The following GALNT17 variants were observed in gnomAD, a reference collection of about 807,000 sequenced individuals.
The protein encoded by GALNT17 is UDP-GalNAc:polypeptide N-acetylgalactosaminyltransferase-like 3.
Under a neutral mutation model 63.7 loss-of-function variants are expected in GALNT17, and 29 were observed. That is an observed-to-expected ratio of 0.46 (90% CI 0.34 to 0.62). GALNT17 has a LOEUF of 0.62. GALNT17 is among the 20% of genes least tolerant of loss of function. The probability of loss-of-function intolerance (pLI) is 0.01; values close to 1 mark genes in which losing one functional copy is unlikely to be tolerated. For synonymous variants in GALNT17, 305 were observed against 318.3 expected, an observed-to-expected ratio of 0.96 and a Z score of 0.45; for missense variants, 603 against 799.6, an observed-to-expected ratio of 0.75 and a Z score of 2.97.
chr7:71,385,771 G>A (rs1164385999), intron 2 of GALNT17, among the ~76,000 whole-genome samples: 2 of 152,182 alleles, frequency 1.3e-5, no homozygotes, highest in Non-Finnish European at 2.9e-5. Flanking sequence ...CAGAGATGAA[G>A]AAATCAAGAA....
At chr7:71,494,397 G>A (rs548234350) in intron 5 of GALNT17, among the ~76,000 whole-genome samples, 1 of 152,242 alleles carries the variant, frequency 6.6e-6, no homozygotes, top group South Asian at 2.1e-4. Flanking sequence ...CCAGGCTGGA[G>A]TGCAGTGGTG....
chr7:71,503,013 T>G (rs1202059268), intron 5 of GALNT17, among the ~76,000 whole-genome samples: 2 of 152,144 alleles, frequency 1.3e-5, no homozygotes, highest in Non-Finnish European at 2.9e-5. Context: ...TCACCCACCC[T>G]GAAATACTGA....
chr7:71,332,699 T>C (rs758678602), intron 1 of GALNT17, among the ~76,000 whole-genome samples: 3 of 152,114 alleles, frequency 2.0e-5, no homozygotes, highest in African/African-American at 2.4e-5. Context: ...GTTTGTTTTG[T>C]TTTTGTTTTT....
At chr7:71,304,501 A>T (rs148780351) in intron 1 of GALNT17, among the ~76,000 whole-genome samples, 1 of 152,266 alleles carries the variant, frequency 6.6e-6, no homozygotes, top group African/African-American at 2.4e-5. Flanking sequence ...ACAGCGCTGC[A>T]TGCATGTTTT....
chr7:71,513,920 G>C (rs974236279), intron 5 of GALNT17, among the ~76,000 whole-genome samples: 7 of 152,186 alleles, frequency 4.6e-5, no homozygotes, highest in Non-Finnish European at 1.0e-4. Flanking sequence ...AGCTGGGCAT[G>C]GTGGCTTATG....
chr7:71,473,171 A>T (rs1198083533), intron 5 of GALNT17, among the ~76,000 whole-genome samples: 1 of 152,218 alleles, frequency 6.6e-6, no homozygotes, highest in African/African-American at 2.4e-5. Context: ...AAAGACTTGA[A>T]GTCAGTAGAA....
At chr7:71,390,890 A>G (rs1405136449) in intron 3 of GALNT17, among the ~76,000 whole-genome samples, 1 of 152,170 alleles carries the variant, frequency 6.6e-6, no homozygotes, top group Non-Finnish European at 1.5e-5. Flanking sequence ...CACTGGGGAA[A>G]ATCCAGGAGC....
At chr7:71,320,437 G>A (rs1791586049) in intron 1 of GALNT17, among the ~76,000 whole-genome samples, 1 of 151,264 alleles carries the variant, frequency 6.6e-6, no homozygotes, top group Non-Finnish European at 1.5e-5. Context: ...TTTTTTTAGA[G>A]ATGGAGTCTT....
At chr7:71,512,221 T>C (rs1281639230) in intron 5 of GALNT17, among the ~76,000 whole-genome samples, 1 of 152,010 alleles carries the variant, frequency 6.6e-6, no homozygotes, top group African/African-American at 2.4e-5. Flanking sequence ...CGCAGGCTGG[T>C]CTCAAACTCC....
Position 71,712,242 on chromosome 7 carries a change from C to A in GALNT17, c.*96C>A. 1 of 1,513,532 alleles carries A rather than the reference C, an allele frequency of 6.6e-7. No homozygotes were observed. Among genetic ancestry groups the A allele is most frequent in the South Asian group, 1.3e-5 (1 of 77,586 alleles). 93.8% of individuals were successfully genotyped at this position (1,513,532 alleles called of 1,614,324 possible). A position where few individuals can be genotyped will look rare whatever the true frequency, so the allele number is the denominator to read the frequency against. On this transcript the variant is annotated 3_prime_UTR_variant, in exon 11 of 11. Coordinates refer to ENST00000333538, the MANE Select transcript of GALNT17 (RefSeq NM_022479.3). ...GCCCTGGCGGAGAGACAGCAAGGGG[C>A]CGGCAGGTGCTCGATGGGCCCCCCA...
At chr7:71,340,436 A>G (rs1791988234) in intron 2 of GALNT17, among the ~76,000 whole-genome samples, 1 of 152,172 alleles carries the variant, frequency 6.6e-6, no homozygotes, top group African/African-American at 2.4e-5. Flanking sequence ...CAGCCTAAGG[A>G]AAAGGCTGAT....
intron 1 of GALNT17, among the ~76,000 whole-genome samples, chr7:71,204,081 A>G (rs1198845314): frequency 6.8e-6 from 1 of 148,136 alleles, no homozygotes; most frequent in Non-Finnish European, 1.5e-5. Flanking sequence ...TGATTTTAGT[A>G]TATGATGTGA....
intron 5 of GALNT17, among the ~76,000 whole-genome samples, chr7:71,500,610 C>T (rs965802907): frequency 1.3e-5 from 2 of 152,232 alleles, no homozygotes; most frequent in African/African-American, 4.8e-5. Flanking sequence ...CCCCCTGCCA[C>T]TTCCTTGCTT....
intron 5 of GALNT17, among the ~76,000 whole-genome samples, chr7:71,424,789 G>A (rs1786728634): frequency 6.6e-6 from 1 of 152,168 alleles, no homozygotes; most frequent in Non-Finnish European, 1.5e-5. Context: ...CTTTCTTGCT[G>A]TGAAGCCAAC....
At chr7:71,647,204 C>G (rs1265705507) in intron 6 of GALNT17, among the ~76,000 whole-genome samples, 1 of 149,400 alleles carries the variant, frequency 6.7e-6, no homozygotes. Context: ...ACTGGGATTA[C>G]AGGTGCCCAC....
At chr7:71,618,199 T>C (rs1460961453) in intron 6 of GALNT17, among the ~76,000 whole-genome samples, 1 of 152,196 alleles carries the variant, frequency 6.6e-6, no homozygotes, top group Non-Finnish European at 1.5e-5. Flanking sequence ...ATGTAACACA[T>C]TTCCTTTATT....
At chr7:71,284,830 G>T (rs1193147533) in intron 1 of GALNT17, among the ~76,000 whole-genome samples, 1 of 151,714 alleles carries the variant, frequency 6.6e-6, no homozygotes, top group African/African-American at 2.4e-5. Flanking sequence ...TTCAGTCCTT[G>T]GTGGAGATGC....
At position 71,345,140 on chromosome 7, in the gene GALNT17, GTTTTTTGTTTTTT is replaced by G. The variant is rs1197825487; in HGVS notation, c.422+9424_422+9436del. On this transcript the variant is annotated intron_variant, in intron 2 of 10. Coordinates refer to ENST00000333538, the MANE Select transcript of GALNT17 (RefSeq NM_022479.3). ...CCCCCACTGTTTTTTTTTTGTTGTT[GTTTTTTGTTTTTT>G]TTTTTTGTTTTTTTTTGCTGAGACA... is the stretch of plus-strand genomic sequence containing the variant. Among the ~76,000 whole-genome samples the G allele has an allele frequency of 1.1e-4, 13 of 119,756 alleles. No homozygotes were observed. The South Asian group carries it at 2.1e-3, about 19-fold the overall frequency. 78.6% of individuals were successfully genotyped at this position (119,756 alleles called of 152,430 possible). A position where few individuals can be genotyped will look rare whatever the true frequency, so the allele number is the denominator to read the frequency against.
At chr7:71,348,513 A>T (rs1792134654) in intron 2 of GALNT17, among the ~76,000 whole-genome samples, 1 of 152,326 alleles carries the variant, frequency 6.6e-6, no homozygotes, top group Non-Finnish European at 1.5e-5. Flanking sequence ...AAACCAGTGG[A>T]TAGAAAGCAG....
Sources: gnomAD v4.1 joint callset for allele counts (sites outside exome capture counted in the v4.1 genomes callset) on GRCh38, gnomAD v4.1.1 for gene constraint, MANE v1.5 for transcripts, NCBI Gene and HGNC (gene_info 2026-07-23, HGNC 2026-07-21) for gene names.